Variants in LRRC4C observed in about 807,000 individuals in gnomAD.
LRRC4C encodes leucine-rich repeat-containing protein 4C.
In LRRC4C, 5 loss-of-function variants were observed where a neutral mutation model predicts 33.6. The ratio of observed to expected loss-of-function variants is 0.15; its 90% confidence interval spans 0.08 to 0.31. LRRC4C has a LOEUF of 0.31. LRRC4C is among the 10% of genes least tolerant of loss of function. The pLI is 1.00. For missense variants in LRRC4C, 560 were observed against 796.7 expected (o/e 0.70, Z 3.58); for synonymous variants, 329 against 302.0 (o/e 1.09, Z -0.93).
chr11:40,843,070 T>G (rs1296696036), intron 2 of LRRC4C, among the ~76,000 whole-genome samples: 1 of 152,208 alleles, frequency 6.6e-6, no homozygotes, highest in Non-Finnish European at 1.5e-5. Context: ...ATTGAAATTC[T>G]AATCTATACT....
At chr11:40,642,184 T>C (rs939164651) in intron 3 of LRRC4C, among the ~76,000 whole-genome samples, 5 of 150,582 alleles carry the variant, frequency 3.3e-5, no homozygotes, top group African/African-American at 9.8e-5. Context: ...ATTTAAGGCA[T>C]TTAATTTAAA....
chr11:41,112,597 C>T (rs1320396255), intron 1 of LRRC4C, among the ~76,000 whole-genome samples: 1 of 152,042 alleles, frequency 6.6e-6, no homozygotes, highest in East Asian at 1.9e-4. Context: ...TAAACAAATG[C>T]ACTTCTGTTT....
At chr11:40,408,638 T>A (rs1356560250) in intron 3 of LRRC4C, among the ~76,000 whole-genome samples, 1 of 151,964 alleles carries the variant, frequency 6.6e-6, no homozygotes, top group South Asian at 2.1e-4. Context: ...AGCCTGTTTT[T>A]ATATGCCCCA....
At chr11:41,398,644 T>C (rs946501381) in intron 1 of LRRC4C, among the ~76,000 whole-genome samples, 5 of 151,926 alleles carry the variant, frequency 3.3e-5, no homozygotes, top group African/African-American at 1.2e-4. Flanking sequence ...CAATTCTTCC[T>C]TGTTGCTATT....
At chr11:40,555,631 GGAA>G (rs761075859) in intron 3 of LRRC4C, among the ~76,000 whole-genome samples, 71 of 152,218 alleles carry the variant, frequency 4.7e-4, no homozygotes, top group African/African-American at 1.6e-3. Context: ...GGGCCACACT[GGAA>G]GAAGAAGAAT....
At chr11:40,555,411 G>T (rs1047250194) in intron 3 of LRRC4C, among the ~76,000 whole-genome samples, 3 of 152,288 alleles carry the variant, frequency 2.0e-5, no homozygotes, top group African/African-American at 7.2e-5. Context: ...AATTCAAACA[G>T]ATATTATTGT....
chr11:40,850,962 T>C (rs1037376647), intron 2 of LRRC4C, among the ~76,000 whole-genome samples: 8 of 151,778 alleles, frequency 5.3e-5, no homozygotes, highest in Non-Finnish European at 7.4e-5. Context: ...GCCTCAGTAA[T>C]GGCAGACCCA....
At chr11:41,166,316 C>T (rs1018477242) in intron 1 of LRRC4C, among the ~76,000 whole-genome samples, 1 of 152,182 alleles carries the variant, frequency 6.6e-6, no homozygotes, top group Non-Finnish European at 1.5e-5. Context: ...GAGCAATTTG[C>T]ATTGCTGTTC....
At chr11:40,276,288 T>C (rs1943094732) in intron 4 of LRRC4C, among the ~76,000 whole-genome samples, 2 of 151,912 alleles carry the variant, frequency 1.3e-5, no homozygotes, top group East Asian at 1.9e-4. Context: ...CTAGAGACAA[T>C]AGGAAGCAAG....
chr11:40,562,832 TG>T (rs1957603230), intron 3 of LRRC4C, among the ~76,000 whole-genome samples: 1 of 152,182 alleles, frequency 6.6e-6, no homozygotes, highest in African/African-American at 2.4e-5. Context: ...TTTCACTTTC[TG>T]CAACGGCTCA....
chr11:41,367,985 A>G (rs1301024853), intron 1 of LRRC4C, among the ~76,000 whole-genome samples: 1 of 152,186 alleles, frequency 6.6e-6, no homozygotes, highest in Non-Finnish European at 1.5e-5. Flanking sequence ...TTTGCCTTAG[A>G]TTGTAGCCAA....
At chr11:41,145,745 C>G (rs1213231921) in intron 1 of LRRC4C, among the ~76,000 whole-genome samples, 1 of 152,098 alleles carries the variant, frequency 6.6e-6, no homozygotes, top group Non-Finnish European at 1.5e-5. Context: ...GTCCTTGGCA[C>G]CGAGTTGGTG....
intron 4 of LRRC4C, among the ~76,000 whole-genome samples, chr11:40,309,772 G>A (rs943123068): frequency 1.3e-5 from 2 of 152,148 alleles, no homozygotes; most frequent in Non-Finnish European, 2.9e-5. Flanking sequence ...CTCCCAAAAT[G>A]CTGGGATGAC....
chr11:40,208,494 T>C (rs1158132668), intron 5 of LRRC4C, among the ~76,000 whole-genome samples: 1 of 152,074 alleles, frequency 6.6e-6, no homozygotes, highest in African/African-American at 2.4e-5. Flanking sequence ...TTTTTTAGTA[T>C]TGAAGTAGAG....
At chr11:41,451,667 G>C (rs1011292879) in intron 1 of LRRC4C, among the ~76,000 whole-genome samples, 10 of 152,024 alleles carry the variant, frequency 6.6e-5, no homozygotes, top group Non-Finnish European at 1.3e-4. Context: ...GAGCAAAACA[G>C]ACCTATTTCA....
At chr11:40,165,516 A>G (rs1301879801) in intron 5 of LRRC4C, among the ~76,000 whole-genome samples, 1 of 152,212 alleles carries the variant, frequency 6.6e-6, no homozygotes, top group Non-Finnish European at 1.5e-5. Flanking sequence ...CAATACAGAA[A>G]AACAACGACA....
intron 1 of LRRC4C, among the ~76,000 whole-genome samples, chr11:40,995,521 T>C (rs545752240): frequency 1.3e-5 from 2 of 152,180 alleles, no homozygotes; most frequent in Non-Finnish European, 2.9e-5. Context: ...TTTTCCTTTC[T>C]AATCACGTCT....
At chr11:40,619,875 G>C (rs1962269526) in intron 3 of LRRC4C, among the ~76,000 whole-genome samples, 1 of 151,356 alleles carries the variant, frequency 6.6e-6, no homozygotes, top group Admixed American at 6.6e-5. Flanking sequence ...CACAGAGACT[G>C]TCAAGCTATG....
At chr11:40,615,863 G>C (rs1031684555) in intron 3 of LRRC4C, among the ~76,000 whole-genome samples, 1 of 151,726 alleles carries the variant, frequency 6.6e-6, no homozygotes, top group African/African-American at 2.4e-5. Context: ...GGGCACATAG[G>C]TGTTCAATCT....
Sources: gnomAD v4.1 joint callset for allele counts (sites outside exome capture counted in the v4.1 genomes callset) on GRCh38, gnomAD v4.1.1 for gene constraint, MANE v1.5 for transcripts, NCBI Gene and HGNC (gene_info 2026-07-23, HGNC 2026-07-21) for gene names.